ZNF665: variants seen among roughly 807,000 people sequenced by gnomAD.
ZNF665 encodes zinc finger protein 665.
ZNF665 carries 6 observed loss-of-function variants against 7.9 expected under a neutral mutation model. The ratio of observed to expected loss-of-function variants is 0.76; its 90% CI spans 0.42 to 1.50. ZNF665 has a LOEUF of 1.50. ZNF665 is among the 40% of genes most tolerant of loss of function. The pLI, the probability that ZNF665 is intolerant of heterozygous loss-of-function variation, is 0.01. For synonymous variants in ZNF665, 242 were observed against 274.5 expected, an observed-to-expected ratio of 0.88 and a Z score of 1.17; for missense variants, 819 against 806.7, an observed-to-expected ratio of 1.02 and a Z score of -0.18.
intron 3 of ZNF665, among the ~76,000 whole-genome samples, chr19:53,166,710 G>A (rs978027145): frequency 2.0e-5 from 3 of 152,108 alleles, no homozygotes; most frequent in Non-Finnish European, 4.4e-5. Flanking sequence ...CTTAGATTGT[G>A]CCTATTTAAA....
chr19:53,164,598 C>G lies in ZNF665; in HGVS notation c.1892G>C (p.Cys631Ser). The G allele has an allele frequency of 6.2e-7, 1 of 1,614,190 alleles. No homozygotes were observed. Among genetic ancestry groups the G allele is most frequent in the Admixed American group, 1.7e-5 (1 of 60,032 alleles). The change falls in exon 4 of 4, where the codon TGT becomes TCT. Residue 631 changes from cysteine (C) to serine (S), a missense_variant. Cys to Ser is a moderately radical substitution (Grantham distance 112). Coordinates refer to ENST00000396424, the MANE Select transcript of ZNF665 (RefSeq NM_024733.5). ...TGAACGAACACTGAAGGCTTTCCCA[C>G]ACTCATTACACCTATAAGGTTTTTC... Reference protein sequence around the residue: ...TGEKPYRCNECGKAFSVRSTL... With the variant: ...TGEKPYRCNESGKAFSVRSTL...
At chr19:53,178,161 T>G (rs1389679218) in intron 2 of ZNF665, among the ~76,000 whole-genome samples, 2 of 152,018 alleles carry the variant, frequency 1.3e-5, no homozygotes, top group Non-Finnish European at 2.9e-5. Flanking sequence ...TACAAAGGAG[T>G]CAATGTATCT....
rs555915461 is a variant in ZNF665, at chr19:53,179,247, A to C, written c.15+3637T>G. ...ATAAATTAGCCAGGCGTGGTGGCGGACGCCTGTAGTCCCAGCTGGTCGGGA... is the reference window on the plus strand; with the variant it reads ...ATAAATTAGCCAGGCGTGGTGGCGGCCGCCTGTAGTCCCAGCTGGTCGGGA... On this transcript the variant is annotated intron_variant, in intron 2 of 3. Coordinates refer to ENST00000396424, the MANE Select transcript of ZNF665 (RefSeq NM_024733.5). 1.3e-3 allele frequency among the ~76,000 whole-genome samples: 199 copies of C among 151,906 alleles called. 1 individual carries two copies. Among genetic ancestry groups the C allele is most frequent in the African/African-American group, 4.3e-3 (180 of 41,478 alleles).
At chr19:53,191,814 G>A (rs2090819233) in intron 1 of ZNF665, 1 of 152,184 alleles carries the variant, frequency 6.6e-6, no homozygotes, top group African/African-American at 2.4e-5. Context: ...TTGCACGCCA[G>A]TCTGGGAAAT....
chr19:53,192,825 G>A (rs893294774), intron 1 of ZNF665, among the ~76,000 whole-genome samples: 1 of 152,076 alleles, frequency 6.6e-6, no homozygotes. Context: ...CTGCGAAGGG[G>A]AGGCCTAGGG....
chr19:53,174,692 A>G (rs910734728), intron 3 of ZNF665, among the ~76,000 whole-genome samples: 1 of 151,960 alleles, frequency 6.6e-6, no homozygotes, highest in African/African-American at 2.4e-5. Flanking sequence ...TAATCCCAGC[A>G]CTCTGGGAGG....
At position 53,164,173 on chromosome 19, in the gene ZNF665, C is replaced by T. The variant is rs7260409; in HGVS notation, c.*280G>A. ...TTTTTTTGGAGATGGAGTTTCACTC[C>T]TGTTGCCCAGGCTGGAGTGCAATGG... On this transcript the variant is annotated 3_prime_UTR_variant, in exon 4 of 4. Transcript: ENST00000396424. The T allele has an allele frequency of 0.96, 154,801 of 161,878 alleles. 74,086 individuals carry two copies. The highest frequency in any genetic ancestry group is 0.97 in the South Asian group (4,558 of 4,702). The allele number at this position is 161,878 out of a possible 1,614,324, so 10.0% of individuals were successfully genotyped here.
Position 53,164,476 on chromosome 19 carries a change from G to A in ZNF665, c.2014C>T (p.His672Tyr), listed in dbSNP as rs200603379. Residue 672 changes from histidine to tyrosine, a missense_variant, in exon 4 of 4, where the codon CAT (histidine) becomes TAT (tyrosine). Physicochemically the swap from His to Tyr is moderately conservative, Grantham distance 83 (BLOSUM62 2). Coordinates refer to ENST00000396424, the MANE Select transcript of ZNF665 (RefSeq NM_024733.5). ...VFTQNSNLAK[H>Y]RRIHSG ...TTCTATCCACTATGAATTCTTCGAT[G>A]TTTTGCAAGGTTTGAATTTTGAGTA... The A allele has an allele frequency of 6.2e-5, 99 of 1,598,562 alleles. No individual in the cohort carries two copies. In the African/African-American group the frequency reaches 1.2e-3, roughly 19 times the overall value.
Position 53,175,544 on chromosome 19 carries a change from T to C in ZNF665, c.43A>G (p.Ile15Val). ...QGQLTFKDVA[I>V]EFSQEEWTCL... ...GTCCACTCCTCCTGAGAGAATTCTA[T>C]GGCCACATCCTTGAATGTCAACTGT... The change falls in exon 3 of 4, where the codon ATA (isoleucine) becomes GTA (valine). Residue 15 changes from isoleucine (I) to valine (V), a missense_variant. Transcript: ENST00000396424. 6.2e-7 allele frequency: 1 copy of C among 1,608,946 alleles called. No homozygotes were observed. The highest frequency in any genetic ancestry group is 2.2e-5 in the East Asian group (1 of 44,718).
rs1182190980 is a variant in ZNF665, at chr19:53,163,792, T to C, written c.*661A>G. ...CTTCTGATTATGCTGAAGTATATAA[T>C]ATCAGAGGGTTATGAGGAAACTAGA... is the stretch of plus-strand genomic sequence containing the variant. On this transcript the variant is annotated 3_prime_UTR_variant, in exon 4 of 4. Transcript: ENST00000396424. 1.3e-5 allele frequency: 2 copies of C among 152,222 alleles called. No individual in the cohort carries two copies. The highest frequency in any genetic ancestry group is 6.5e-5 in the Admixed American group (1 of 15,268). 9.4% of individuals were successfully genotyped at this position (152,222 alleles called of 1,614,324 possible). A position where few individuals can be genotyped will look rare whatever the true frequency, so the allele number is the denominator to read the frequency against.
chr19:53,191,997 T>C (rs973060395), intron 1 of ZNF665, among the ~76,000 whole-genome samples: 2 of 151,830 alleles, frequency 1.3e-5, no homozygotes, highest in Admixed American at 1.3e-4. Context: ...ATCTCTCTCA[T>C]TCTCTTCTTC....
Position 53,165,308 on chromosome 19 carries a change from G to A in ZNF665, c.1182C>T (p.Ile394=), listed in dbSNP as rs200739403. 1 of 1,613,054 alleles carries A rather than the reference G, an allele frequency of 6.2e-7. No individual in the cohort carries two copies. Among genetic ancestry groups the A allele is most frequent in the East Asian group, 2.2e-5 (1 of 44,778 alleles). The change falls in exon 4 of 4, where the codon ATC becomes ATT. Residue 394 remains isoleucine, a synonymous_variant. Coordinates refer to ENST00000396424, the MANE Select transcript of ZNF665 (RefSeq NM_024733.5). The part of the protein sequence containing the change: ...SMHSNLTKHQ[I]IHTGEKPFKC... ...TGAAAGGCTTTTCTCCGGTATGGAT[G>A]ATCTGATGCTTAGTTAAGTTTGAAT...
At chr19:53,191,725 TCCC>T (rs2090818122) in intron 1 of ZNF665, 1 of 152,186 alleles carries the variant, frequency 6.6e-6, no homozygotes. Flanking sequence ...ATGCCTGTAA[TCCC>T]AGCTACTCGG....
chr19:53,171,951 C>T (rs2090661749), intron 3 of ZNF665, among the ~76,000 whole-genome samples: 1 of 151,966 alleles, frequency 6.6e-6, no homozygotes, highest in Non-Finnish European at 1.5e-5. Context: ...AACAGGGTTT[C>T]ACCATGTTGG....
rs375884834 is a variant in ZNF665, at chr19:53,165,268, C to A, written c.1222G>T (p.Val408Phe). The stretch of plus-strand genomic sequence containing the variant: ...TGTGAATACTGAGTGAAAACCTTGA[C>A]GCATTCATTACATTTGAAAGGCTTT... ...GEKPFKCNEC[V>F]KVFTQYSHLA... Residue 408 changes from valine (V) to phenylalanine (F), a missense_variant, in exon 4 of 4, where the codon GTC becomes TTC. Physicochemically the swap from Val to Phe is conservative, Grantham distance 50 (BLOSUM62 -1). Transcript: ENST00000396424. 4.5e-4 allele frequency: 726 copies of A among 1,613,016 alleles called. 8 individuals carry two copies. The South Asian group carries it at 7.5e-3, about 17-fold the overall frequency.
chr19:53,162,522 G>A lies in ZNF665; in HGVS notation c.*1931C>T, dbSNP rs1250940154. The A allele has an allele frequency of 1.3e-5, 2 of 152,070 alleles. No homozygotes were observed. Among genetic ancestry groups the A allele is most frequent in the Admixed American group, 1.3e-4 (2 of 15,262 alleles). The allele number at this position is 152,070 out of a possible 1,614,324, so 9.4% of individuals were successfully genotyped here. A position where few individuals can be genotyped will look rare whatever the true frequency, so the allele number is the denominator to read the frequency against. On this transcript the variant is annotated 3_prime_UTR_variant, in exon 4 of 4. Transcript: ENST00000396424. ...ATTCCAGCAGTTAATGTAAATCCTAGTAACAAACATGGGATTCTGGTTACT... is the reference window on the plus strand; with the variant it reads ...ATTCCAGCAGTTAATGTAAATCCTAATAACAAACATGGGATTCTGGTTACT...
intron 3 of ZNF665, among the ~76,000 whole-genome samples, chr19:53,171,430 G>A (rs2146849752): frequency 6.8e-6 from 1 of 147,930 alleles, no homozygotes; most frequent in East Asian, 2.0e-4. Context: ...AAATTGTATG[G>A]CAGTACACTA....
At chr19:53,183,635 G>C (rs991205556) in intron 1 of ZNF665, among the ~76,000 whole-genome samples, 1 of 151,796 alleles carries the variant, frequency 6.6e-6, no homozygotes, top group Non-Finnish European at 1.5e-5. Context: ...AGGTGAGGGT[G>C]GGGGTGGGGA....
At chr19:53,190,662 G>A (rs567051525) in intron 1 of ZNF665, among the ~76,000 whole-genome samples, 79 of 152,308 alleles carry the variant, frequency 5.2e-4, no homozygotes, top group African/African-American at 1.2e-3. Flanking sequence ...GGCCGGGTGC[G>A]GTAGCTCATG....
Sources: allele counts gnomAD v4.1 joint callset (sites outside exome capture counted in the v4.1 genomes callset), GRCh38; gene constraint gnomAD v4.1.1; transcripts MANE v1.5; gene names NCBI Gene and HGNC (gene_info 2026-07-23, HGNC 2026-07-21).